The following PEPD variants were observed in gnomAD, a reference collection of about 807,000 sequenced individuals.
PEPD encodes peptidase D, also known as xaa-Pro dipeptidase.
PEPD carries 53 observed loss-of-function variants against 60.7 expected under a neutral mutation model. The observed-to-expected ratio is 0.87, with a 90% CI of 0.70 to 1.10. PEPD has a LOEUF of 1.10. PEPD is among the 50% of genes least tolerant of loss of function. PEPD has a pLI of 0.00. For missense variants in PEPD, 711 were observed against 711.9 expected (o/e 1.00, Z 0.01); for synonymous variants, 267 against 284.1 (o/e 0.94, Z 0.60).
At chr19:33,476,915 G>A (rs1970227479) in intron 7 of PEPD, among the ~76,000 whole-genome samples, 2 of 151,926 alleles carry the variant, frequency 1.3e-5, no homozygotes, top group African/African-American at 4.8e-5. Flanking sequence ...CACCCACCTC[G>A]GCCTCCCAAA....
chr19:33,479,409 T>TC (rs962697426), intron 6 of PEPD, among the ~76,000 whole-genome samples: 1 of 144,510 alleles, frequency 6.9e-6, no homozygotes, highest in African/African-American at 2.5e-5. Context: ...GAATGAATTC[T>TC]TTTTTTTTTT....
intron 6 of PEPD, among the ~76,000 whole-genome samples, chr19:33,480,054 T>C (rs1051033660): frequency 6.6e-6 from 1 of 152,234 alleles, no homozygotes; most frequent in African/African-American, 2.4e-5. Flanking sequence ...AGTGTTCCTT[T>C]TTCTCTGCAA....
chr19:33,514,361 A>G (rs1357017596), intron 1 of PEPD, among the ~76,000 whole-genome samples: 1 of 151,902 alleles, frequency 6.6e-6, no homozygotes, highest in Non-Finnish European at 1.5e-5. Flanking sequence ...CTCACCTCAC[A>G]TGGGACCCTC....
intron 9 of PEPD, among the ~76,000 whole-genome samples, chr19:33,431,819 C>G (rs1324110193): frequency 1.3e-5 from 2 of 151,850 alleles, no homozygotes; most frequent in Non-Finnish European, 2.9e-5. Flanking sequence ...ATGGCAAAAC[C>G]CTGTCTCTAC....
chr19:33,500,040 C>G (rs116279154), intron 4 of PEPD, among the ~76,000 whole-genome samples: 3 of 152,224 alleles, frequency 2.0e-5, no homozygotes, highest in Non-Finnish European at 4.4e-5. Context: ...ACTGCAGCCC[C>G]GGCTCTTAGC....
intron 12 of PEPD, among the ~76,000 whole-genome samples, chr19:33,393,634 C>T (rs1372770516): frequency 4.6e-5 from 7 of 152,034 alleles, no homozygotes; most frequent in African/African-American, 2.4e-5. Context: ...GGAGGCAGCA[C>T]CCCGGACAGT....
At chr19:33,437,916 G>A (rs2145406458) in intron 9 of PEPD, among the ~76,000 whole-genome samples, 1 of 152,328 alleles carries the variant, frequency 6.6e-6, no homozygotes, top group African/African-American at 2.4e-5. Context: ...AACACATGGA[G>A]TCTGACACCC....
chr19:33,432,116 C>T (rs929923032), intron 9 of PEPD, among the ~76,000 whole-genome samples: 4 of 152,030 alleles, frequency 2.6e-5, no homozygotes, highest in Admixed American at 2.6e-4. Flanking sequence ...GCAGCCCTAT[C>T]CCTTCCTCCA....
Position 33,388,052 on chromosome 19 carries a change from C to A in PEPD, c.1182G>T (p.Leu394=). 6.4e-7 allele frequency: 1 copy of A among 1,555,830 alleles called. No individual in the cohort carries two copies. Among genetic ancestry groups the A allele is most frequent in the Non-Finnish European group, 8.7e-7 (1 of 1,150,646 alleles). ...GGTGCCGTGCAGTGCGCAGGCTCCG[C>A]AGGCCGGGCTCGTCGATGCGCTCCA... ...EGVERIDEPG[L]RSLRTARHLQ... Residue 394 remains leucine (L), a synonymous_variant, in exon 14 of 15, where the codon CTG becomes CTT. Coordinates refer to ENST00000244137, the MANE Select transcript of PEPD (RefSeq NM_000285.4).
intron 14 of PEPD, 64 bp downstream of exon 14, chr19:33,387,826 G>C (rs190417255): frequency 7.6e-7 from 1 of 1,323,168 alleles, no homozygotes; most frequent in Non-Finnish European, 1.1e-6. Flanking sequence ...GGACTAAGGA[G>C]TCTGCAGCTG....
At chr19:33,407,169 C>T (rs567100023) in intron 11 of PEPD, among the ~76,000 whole-genome samples, 11 of 152,344 alleles carry the variant, frequency 7.2e-5, no homozygotes, top group Admixed American at 5.9e-4. Context: ...ACCACCTGAT[C>T]GGGAAGTGAG....
intron 11 of PEPD, among the ~76,000 whole-genome samples, chr19:33,406,074 G>T (rs925700454): frequency 6.6e-6 from 1 of 152,240 alleles, no homozygotes; most frequent in Admixed American, 6.5e-5. Context: ...GTCCAGAGGT[G>T]GGTGAGACAC....
intron 7 of PEPD, among the ~76,000 whole-genome samples, chr19:33,470,704 A>G (rs1311688232): frequency 6.6e-6 from 1 of 152,222 alleles, no homozygotes; most frequent in Non-Finnish European, 1.5e-5. Flanking sequence ...CTTCCACCGA[A>G]GCCAGACAAC....
At chr19:33,494,688 C>A (rs934749899) in intron 4 of PEPD, among the ~76,000 whole-genome samples, 12 of 152,250 alleles carry the variant, frequency 7.9e-5, no homozygotes, top group African/African-American at 2.9e-4. Context: ...ATCTTACACA[C>A]AGCATCTCAT....
intron 9 of PEPD, among the ~76,000 whole-genome samples, chr19:33,416,897 G>A (rs559750377): frequency 5.3e-5 from 8 of 152,318 alleles, no homozygotes; most frequent in African/African-American, 1.7e-4. Context: ...TCAGTGCCAG[G>A]AGATGACAAA....
At chr19:33,509,153 C>T (rs1269161208) in intron 3 of PEPD, among the ~76,000 whole-genome samples, 2 of 152,198 alleles carry the variant, frequency 1.3e-5, no homozygotes, top group East Asian at 1.9e-4. Context: ...AGGATTCCAC[C>T]GGGAATGGGA....
intron 9 of PEPD, among the ~76,000 whole-genome samples, chr19:33,445,975 C>T (rs1261478324): frequency 6.6e-6 from 1 of 152,212 alleles, no homozygotes; most frequent in Non-Finnish European, 1.5e-5. Flanking sequence ...CCTGCCTGCC[C>T]CTGCCCCCAC....
intron 11 of PEPD, among the ~76,000 whole-genome samples, chr19:33,405,854 T>C (rs1968608903): frequency 6.6e-6 from 1 of 152,210 alleles, no homozygotes. Flanking sequence ...ACAGGAAAGC[T>C]GCCCATGCCG....
chr19:33,431,670 CTT>C (rs1298334680), intron 9 of PEPD, among the ~76,000 whole-genome samples: 1 of 152,162 alleles, frequency 6.6e-6, no homozygotes, highest in Non-Finnish European at 1.5e-5. Flanking sequence ...AGGGACCACT[CTT>C]TCCTGCTTCC....
Sources: gnomAD v4.1 joint callset for allele counts (sites outside exome capture counted in the v4.1 genomes callset) on GRCh38, gnomAD v4.1.1 for gene constraint, MANE v1.5 for transcripts, NCBI Gene and HGNC (gene_info 2026-07-23, HGNC 2026-07-21) for gene names.